Variants in NRG1 observed in about 807,000 individuals in gnomAD.
NRG1 encodes neuregulin 1, also known as pro-neuregulin-1, membrane-bound isoform.
NRG1 carries 18 observed loss-of-function variants against 63.8 expected under a neutral mutation model. That is an observed-to-expected ratio of 0.28 (90% CI 0.19 to 0.42). The LOEUF (loss-of-function observed/expected upper bound fraction) is 0.42, where lower values mean the gene tolerates loss of function less well. Among genes scored for constraint, NRG1 ranks in the 10% least tolerant of loss-of-function variants. The probability of loss-of-function intolerance (pLI) is 1.00; values close to 1 mark genes in which losing one functional copy is unlikely to be tolerated. For synonymous variants in NRG1, 302 were observed against 301.3 expected (o/e 1.00, Z -0.02); for missense variants, 762 against 814.7 (o/e 0.94, Z 0.79).
chr8:31,999,616 T>C (rs1482381879), intron 1 of NRG1, among the ~76,000 whole-genome samples: 1 of 152,046 alleles, frequency 6.6e-6, no homozygotes, highest in African/African-American at 2.4e-5. Flanking sequence ...TAGTAATTTC[T>C]TCAAAGAAAT....
At chr8:32,399,463 G>A (rs1330269726) in intron 1 of NRG1, among the ~76,000 whole-genome samples, 1 of 152,218 alleles carries the variant, frequency 6.6e-6, no homozygotes, top group East Asian at 1.9e-4. Context: ...GGAGGCCAAG[G>A]CGGGGCAGAG....
chr8:32,280,701 T>TTTTTTTTTTTTTTTTTTTTTTTTTTTTTG (rs1852650233), intron 1 of NRG1, among the ~76,000 whole-genome samples: 1 of 130,734 alleles, frequency 7.6e-6, no homozygotes, highest in Non-Finnish European at 1.7e-5. Flanking sequence ...GTTTTTTTTT[T>TTTTTTTTTTTTTTTTTTTTTTTTTTTTTG]TTTTTTTTTT....
At chr8:32,030,138 T>C (rs997737872) in intron 1 of NRG1, among the ~76,000 whole-genome samples, 2 of 152,258 alleles carry the variant, frequency 1.3e-5, no homozygotes, top group African/African-American at 4.8e-5. Flanking sequence ...CTATGACTCA[T>C]TGATACATTT....
At chr8:32,289,064 A>G (rs1487879298) in intron 1 of NRG1, among the ~76,000 whole-genome samples, 1 of 152,170 alleles carries the variant, frequency 6.6e-6, no homozygotes, top group African/African-American at 2.4e-5. Context: ...ACAGAAGGAG[A>G]GTTATAGATT....
chr8:32,029,651 A>C (rs959747335), intron 1 of NRG1, among the ~76,000 whole-genome samples: 2 of 152,244 alleles, frequency 1.3e-5, no homozygotes, highest in African/African-American at 4.8e-5. Context: ...TTAAGTACTA[A>C]GTTAGGTTTT....
chr8:32,523,996 G>C (rs974692557), intron 1 of NRG1, among the ~76,000 whole-genome samples: 49 of 151,326 alleles, frequency 3.2e-4, no homozygotes, highest in Admixed American at 3.2e-3. Context: ...TCCTGTATCA[G>C]ATTTCTTGGG....
At chr8:32,509,827 T>A (rs1406712675) in intron 1 of NRG1, among the ~76,000 whole-genome samples, 1 of 152,170 alleles carries the variant, frequency 6.6e-6, no homozygotes, top group Non-Finnish European at 1.5e-5. Context: ...AGCCTGTTGA[T>A]GTGTGTGTAC....
At position 32,522,524 on chromosome 8, in the gene NRG1, C is replaced by T. The variant is rs976077849; in HGVS notation, c.38-73304C>T. On this transcript the variant is annotated intron_variant, in intron 1 of 10. Coordinates refer to the NRG1 transcript ENST00000519301. ...GCCTTGGATTTTCTCTGGATAACCA[C>T]GTATCCTAGTTCATGCTTTTGTGTC... Among the ~76,000 whole-genome samples, 4 of 152,144 alleles carry T rather than the reference C, an allele frequency of 2.6e-5. No individual in the cohort carries two copies. In the East Asian group the frequency reaches 7.7e-4, roughly 29 times the overall value.
chr8:32,529,120 GCC>G (rs997060237), intron 1 of NRG1, among the ~76,000 whole-genome samples: 16 of 152,324 alleles, frequency 1.1e-4, no homozygotes, highest in African/African-American at 3.6e-4. Context: ...ATGTGGTACA[GCC>G]TATTGCTCCT....
chr8:32,409,729 A>G (rs1563424121), intron 1 of NRG1, among the ~76,000 whole-genome samples: 1 of 152,166 alleles, frequency 6.6e-6, no homozygotes. Context: ...CGAAGAGATG[A>G]GCTTTGATAG....
chr8:32,450,969 T>C (rs909569347), intron 1 of NRG1, among the ~76,000 whole-genome samples: 1 of 152,016 alleles, frequency 6.6e-6, no homozygotes, highest in Non-Finnish European at 1.5e-5. Flanking sequence ...TCTAAGGGAG[T>C]TGCCCTCAAC....
intron 5 of NRG1, among the ~76,000 whole-genome samples, chr8:32,702,486 C>T (rs1187630000): frequency 6.6e-6 from 1 of 152,134 alleles, no homozygotes; most frequent in Non-Finnish European, 1.5e-5. Context: ...GTCGGTATTA[C>T]TATGAATTGT....
chr8:32,654,851 T>C (rs1054132536), intron 5 of NRG1, among the ~76,000 whole-genome samples: 2 of 152,158 alleles, frequency 1.3e-5, no homozygotes, highest in Admixed American at 6.5e-5. Flanking sequence ...TAGCAGATTA[T>C]TAACTATATT....
intron 1 of NRG1, among the ~76,000 whole-genome samples, chr8:31,642,256 A>G (rs1012117713): frequency 2.0e-5 from 3 of 152,202 alleles, no homozygotes; most frequent in Admixed American, 6.5e-5. Context: ...AAACCTTTTA[A>G]GCAACACCAC....
At chr8:32,225,260 GCAACTCTTCATTTAAATATTTCCCT>G (rs1846204734) in intron 1 of NRG1, among the ~76,000 whole-genome samples, 1 of 152,180 alleles carries the variant, frequency 6.6e-6, no homozygotes. Context: ...ACGGCTAACT[GCAACTCTTCATTTAAATATTTCCCT>G]CATGTCCAGA....
At chr8:32,278,877 G>T (rs1852393195) in intron 1 of NRG1, among the ~76,000 whole-genome samples, 1 of 152,182 alleles carries the variant, frequency 6.6e-6, no homozygotes, top group Non-Finnish European at 1.5e-5. Flanking sequence ...GACGTCTATT[G>T]TCCTGCAACT....
intron 1 of NRG1, among the ~76,000 whole-genome samples, chr8:32,447,419 C>T (rs1329495676): frequency 1.3e-5 from 2 of 152,098 alleles, no homozygotes; most frequent in African/African-American, 2.4e-5. Flanking sequence ...TGCAAAATAA[C>T]AATGAAGCTA....
intron 1 of NRG1, among the ~76,000 whole-genome samples, chr8:31,939,018 G>A (rs1003109423): frequency 3.9e-5 from 6 of 152,060 alleles, no homozygotes; most frequent in Non-Finnish European, 5.9e-5. Context: ...AGATATCCCC[G>A]GCCTTGCTAA....
At chr8:32,482,425 T>TGTGTGTGTGTG (rs1554555725) in intron 1 of NRG1, among the ~76,000 whole-genome samples, 6 of 150,686 alleles carry the variant, frequency 4.0e-5, no homozygotes, top group South Asian at 4.2e-4. Context: ...TGTGTGTGTG[T>TGTGTGTGTGTG]TCTCTGGTAT....
Sources: allele counts gnomAD v4.1 joint callset (sites outside exome capture counted in the v4.1 genomes callset), GRCh38; gene constraint gnomAD v4.1.1; transcripts MANE v1.5; gene names NCBI Gene and HGNC (gene_info 2026-07-23, HGNC 2026-07-21).